LPAR1: variants seen among roughly 807,000 people sequenced by gnomAD.
LPAR1 encodes the protein lysophosphatidic acid receptor 1.
Under a neutral mutation model 23.8 loss-of-function variants are expected in LPAR1, and 5 were observed. That is an observed-to-expected ratio of 0.21 (90% CI 0.11 to 0.44). The LOEUF (loss-of-function observed/expected upper bound fraction) is 0.44. Among genes scored for constraint, LPAR1 ranks in the 20% least tolerant of loss-of-function variants. The probability of loss-of-function intolerance (pLI) is 0.99; values close to 1 mark genes in which losing one functional copy is unlikely to be tolerated. For missense variants in LPAR1, 311 were observed against 482.8 expected, an observed-to-expected ratio of 0.64 and a Z score of 3.33; for synonymous variants, 160 against 164.7, an observed-to-expected ratio of 0.97 and a Z score of 0.22.
intron 2 of LPAR1, among the ~76,000 whole-genome samples, chr9:111,027,955 T>C (rs1156964305): frequency 1.3e-5 from 2 of 150,748 alleles, no homozygotes; most frequent in Non-Finnish European, 2.9e-5. Context: ...ATTAGGTATG[T>C]TTAATCAGTC....
chr9:110,934,581 CT>C (rs2094577783), intron 5 of LPAR1: 1 of 152,072 alleles, frequency 6.6e-6, no homozygotes, highest in Non-Finnish European at 1.5e-5. Flanking sequence ...TCCCAGTCCC[CT>C]TTCAAGTTTT....
chr9:110,905,768 C>G (rs1297699760), intron 5 of LPAR1, among the ~76,000 whole-genome samples: 1 of 152,170 alleles, frequency 6.6e-6, no homozygotes, highest in Non-Finnish European at 1.5e-5. Context: ...CTATACATTT[C>G]CTCAGTCTCT....
rs1429278819 is a variant in LPAR1 at position 110,875,351 on chromosome 9, G to A, written c.*70C>T. ...CCTCTCTCACACCCCACCTTGCCCT[G>A]GCAATTGGGTAGGGGGAGGCTGTTT... On this transcript the variant is annotated 3_prime_UTR_variant, in exon 6 of 6. Coordinates refer to ENST00000683809, the MANE Select transcript of LPAR1 (RefSeq NM_001351411.2). The A allele has an allele frequency of 7.3e-7, 1 of 1,370,266 alleles. No homozygotes were observed. Among genetic ancestry groups the A allele is most frequent in the African/African-American group, 1.5e-5 (1 of 68,778 alleles). The allele number at this position is 1,370,266 out of a possible 1,614,324, so 84.9% of individuals were successfully genotyped here. A position where few individuals can be genotyped will look rare whatever the true frequency, so the allele number is the denominator to read the frequency against.
rs2078724057 is a variant in LPAR1 at position 110,874,580 on chromosome 9, CT to C, written c.*840del. 1 of 152,532 alleles carries C rather than the reference CT, an allele frequency of 6.6e-6. No individual in the cohort carries two copies. Among genetic ancestry groups the C allele is most frequent in the Non-Finnish European group, 1.5e-5 (1 of 68,016 alleles). The allele number at this position is 152,532 out of a possible 1,614,324, so 9.4% of individuals were successfully genotyped here. ...ACTACGAAAATTTTCCTCTGATATACTGGTAATTAGAATGTACTTGGGTATT... is the reference window on the plus strand; with the variant it reads ...ACTACGAAAATTTTCCTCTGATATACGGTAATTAGAATGTACTTGGGTATT... On this transcript the variant is annotated 3_prime_UTR_variant, in exon 6 of 6. Coordinates refer to ENST00000683809, the MANE Select transcript of LPAR1 (RefSeq NM_001351411.2).
intron 5 of LPAR1, among the ~76,000 whole-genome samples, chr9:110,936,145 G>A (rs56294244): frequency 0.018 from 2,741 of 152,236 alleles, 30 homozygotes; most frequent in South Asian, 0.041. Context: ...ACATGAACCC[G>A]AGTGCTTTGC....
At chr9:110,968,849 T>C (rs191419099) in intron 4 of LPAR1, among the ~76,000 whole-genome samples, 23 of 152,316 alleles carry the variant, frequency 1.5e-4, no homozygotes, top group Admixed American at 4.6e-4. Context: ...CTGAGCTTTA[T>C]AGAAATTATT....
At chr9:110,967,464 T>C (rs538765562) in intron 4 of LPAR1, among the ~76,000 whole-genome samples, 31 of 152,360 alleles carry the variant, frequency 2.0e-4, no homozygotes, top group African/African-American at 7.5e-4. Context: ...AGAAAAATGC[T>C]CTTTGTTACC....
Position 110,939,881 on chromosome 9 carries a change from A to G in LPAR1, c.793+1540T>C, listed in dbSNP as rs936297132. Among the ~76,000 whole-genome samples the G allele has an allele frequency of 3.3e-5, 5 of 152,348 alleles. No individual in the cohort carries two copies. The East Asian group carries it at 9.6e-4, about 29-fold the overall frequency. On this transcript the variant is annotated intron_variant, in intron 5 of 5. Transcript: ENST00000683809. ...ACATTTAGGTCATCAGCAAATAAAT[A>G]TTTGAGTCAATACAGGAAAAAAGTC...
At chr9:110,919,546 C>A (rs2093464253) in intron 5 of LPAR1, among the ~76,000 whole-genome samples, 1 of 152,136 alleles carries the variant, frequency 6.6e-6, no homozygotes, top group African/African-American at 2.4e-5. Flanking sequence ...AAAATGAATA[C>A]AACACCTAAA....
chr9:111,031,117 G>C (rs2097786524), intron 2 of LPAR1, among the ~76,000 whole-genome samples: 1 of 148,744 alleles, frequency 6.7e-6, no homozygotes, highest in South Asian at 2.1e-4. Context: ...TATAGTGTTT[G>C]AATCATTGCA....
intron 5 of LPAR1, among the ~76,000 whole-genome samples, chr9:110,927,209 T>G (rs1180565867): frequency 6.7e-6 from 1 of 149,872 alleles, no homozygotes; most frequent in Non-Finnish European, 1.5e-5. Context: ...CTACACTACA[T>G]CACATTTTTT....
At chr9:111,026,193 CTT>C (rs370092380) in intron 2 of LPAR1, among the ~76,000 whole-genome samples, 55 of 152,106 alleles carry the variant, frequency 3.6e-4, no homozygotes, top group African/African-American at 1.2e-3. Flanking sequence ...TGTGTCGTCT[CTT>C]GTTTCCTTGA....
intron 2 of LPAR1, among the ~76,000 whole-genome samples, chr9:110,985,643 A>G (rs2096765613): frequency 6.6e-6 from 1 of 152,154 alleles, no homozygotes; most frequent in African/African-American, 2.4e-5. Context: ...CAAAGACTGT[A>G]TTCCCAGCTG....
At chr9:110,931,698 A>G (rs2094429866) in intron 5 of LPAR1, among the ~76,000 whole-genome samples, 1 of 152,208 alleles carries the variant, frequency 6.6e-6, no homozygotes, top group South Asian at 2.1e-4. Context: ...TAATTTTTGT[A>G]TAAGGTGTAA....
In LPAR1 at chr9:110,875,588, T is replaced by A. The variant is rs1564332417; in HGVS notation, c.928A>T (p.Ile310Phe). The change falls in exon 6 of 6, where the codon ATT becomes TTT. Residue 310 changes from isoleucine to phenylalanine, a missense_variant. By Grantham distance (21) the Ile-to-Phe change is conservative. Coordinates refer to ENST00000683809, the MANE Select transcript of LPAR1 (RefSeq NM_001351411.2). The stretch of plus-strand genomic sequence containing the variant: ...ATTTCTTTGTCGCGGTAGGAGTAAA[T>A]GATGGGGTTCATGGCAGAGTTGAAT... ...AEFNSAMNPI[I>F]YSYRDKEMSA... 1.2e-6 allele frequency: 2 copies of A among 1,613,998 alleles called. No individual in the cohort carries two copies. The highest frequency in any genetic ancestry group is 8.5e-7 in the Non-Finnish European group (1 of 1,180,008).
chr9:110,978,637 C>T (rs886530409), intron 2 of LPAR1, among the ~76,000 whole-genome samples: 6 of 152,084 alleles, frequency 3.9e-5, no homozygotes, highest in African/African-American at 1.4e-4. Flanking sequence ...GAGATACAGG[C>T]AGTTCAGAGC....
At chr9:110,878,479 A>C (rs2079753300) in intron 5 of LPAR1, among the ~76,000 whole-genome samples, 1 of 152,136 alleles carries the variant, frequency 6.6e-6, no homozygotes, top group Admixed American at 6.5e-5. Context: ...ACCACACCTA[A>C]ACCCCTTTAA....
rs188601160 is a variant in LPAR1, at chr9:110,939,002, C to T, written c.793+2419G>A. On this transcript the variant is annotated intron_variant, in intron 5 of 5. Coordinates refer to ENST00000683809, the MANE Select transcript of LPAR1 (RefSeq NM_001351411.2). ...GTGGTCACTTGGCTGTACACTGTTA[C>T]GCTAACAAACTTGCTTTCTTTCACT... 2.2e-4 allele frequency among the ~76,000 whole-genome samples: 33 copies of T among 152,298 alleles called. No homozygotes were observed. The East Asian group carries it at 4.2e-3, about 20-fold the overall frequency.
At chr9:110,923,535 T>C (rs1382521762) in intron 5 of LPAR1, among the ~76,000 whole-genome samples, 3 of 152,234 alleles carry the variant, frequency 2.0e-5, no homozygotes, top group East Asian at 3.8e-4. Context: ...TAAGGTAGGA[T>C]AGGCTAAGCT....
Sources: gnomAD v4.1 joint callset for allele counts (sites outside exome capture counted in the v4.1 genomes callset) on GRCh38, gnomAD v4.1.1 for gene constraint, MANE v1.5 for transcripts, NCBI Gene and HGNC (gene_info 2026-07-23, HGNC 2026-07-21) for gene names.